The following STK4 variants were observed in gnomAD, a reference collection of about 807,000 sequenced individuals.
The protein encoded by STK4 is serine/threonine-protein kinase 4.
A neutral mutation model predicts 64.9 loss-of-function variants in STK4; 30 were observed. The ratio of observed to expected loss-of-function variants is 0.46; its 90% CI spans 0.35 to 0.63. STK4 has a LOEUF of 0.63. Among genes scored for constraint, STK4 ranks in the 20% least tolerant of loss-of-function variants. The pLI is 0.01. For synonymous variants in STK4, 177 were observed against 199.0 expected (o/e 0.89, Z 0.93); for missense variants, 466 against 598.5 (o/e 0.78, Z 2.31).
chr20:45,037,675 A>G (rs1262239392), intron 10 of STK4, among the ~76,000 whole-genome samples: 1 of 152,156 alleles, frequency 6.6e-6, no homozygotes, highest in African/African-American at 2.4e-5. Flanking sequence ...ATAACAACCT[A>G]TGATTCCATG....
At chr20:45,056,475 A>AT (rs1978491384) in intron 10 of STK4, among the ~76,000 whole-genome samples, 2 of 152,196 alleles carry the variant, frequency 1.3e-5, no homozygotes, top group South Asian at 4.1e-4. Context: ...TATTACCAGA[A>AT]TTTATCTGTT....
At chr20:45,047,734 T>G (rs982721087) in intron 10 of STK4, among the ~76,000 whole-genome samples, 1 of 152,236 alleles carries the variant, frequency 6.6e-6, no homozygotes, top group Non-Finnish European at 1.5e-5. Flanking sequence ...GCATAAAGCA[T>G]TTAGCAAAGT....
rs1442887627 is a variant in STK4 at position 45,076,958 on chromosome 20, T to A, written c.*1782T>A. ...CGGAAAACAGAGGACAATTTGAGGA[T>A]CTTGCTGGAATAATAAATGACAGCT... is the stretch of plus-strand genomic sequence containing the variant. On this transcript the variant is annotated 3_prime_UTR_variant, in exon 11 of 11. Transcript: ENST00000372806. This position sits in a 1 kb window ranked among gnomAD's most constrained non-coding sequence, Gnocchi z 4.0. 2 of 152,222 alleles carry A rather than the reference T, an allele frequency of 1.3e-5. No homozygotes were observed. Among genetic ancestry groups the A allele is most frequent in the Non-Finnish European group, 2.9e-5 (2 of 68,046 alleles). The allele number at this position is 152,222 out of a possible 1,614,324, so 9.4% of individuals were successfully genotyped here.
rs1167820859 is a variant in STK4 at position 45,042,583 on chromosome 20, C to A, written c.1305+17453C>A. 5.9e-5 allele frequency among the ~76,000 whole-genome samples: 9 copies of A among 152,170 alleles called. No individual in the cohort carries two copies. In the East Asian group the frequency reaches 1.7e-3, roughly 29 times the overall value. On this transcript the variant is annotated intron_variant, in intron 10 of 10. Coordinates refer to ENST00000372806, the MANE Select transcript of STK4 (RefSeq NM_006282.5). ...AAGTGAAATACAACGCAATTAGCAT[C>A]TTTTGTCTTTGATAACACACCTACT...
chr20:45,024,913 A>G lies in STK4; in HGVS notation c.1148-60A>G, dbSNP rs2068316268. 3 of 1,444,094 alleles carry G rather than the reference A, an allele frequency of 2.1e-6. No homozygotes were observed. In the South Asian group the frequency reaches 4.6e-5, roughly 22 times the overall value. 89.5% of individuals were successfully genotyped at this position (1,444,094 alleles called of 1,614,324 possible). Reference sequence around the variant, plus strand: ...AGCCCATCTGGAGATATGTCTATTTATTAAACTTACCTAAAATTTAGAATG... The same window carrying G: ...AGCCCATCTGGAGATATGTCTATTTGTTAAACTTACCTAAAATTTAGAATG... On this transcript the variant is annotated intron_variant, in intron 9 of 10. Transcript: ENST00000372806.
chr20:44,990,752 G>C (rs1285225170), intron 5 of STK4, among the ~76,000 whole-genome samples: 2 of 152,086 alleles, frequency 1.3e-5, no homozygotes, highest in Non-Finnish European at 2.9e-5. Flanking sequence ...TGCCAGGGTG[G>C]GGCGAGGGAA....
rs957999600 is a variant in STK4, at chr20:45,052,868, C to T, written c.1306-22150C>T. 2.4e-4 allele frequency among the ~76,000 whole-genome samples: 36 copies of T among 152,218 alleles called. 1 individual carries two copies. The highest frequency in any genetic ancestry group is 8.7e-4 in the African/African-American group (36 of 41,460). The stretch of plus-strand genomic sequence containing the variant: ...GCAGTGCCATGTGAATGCCCAGTAG[C>T]TAGCCAAGGTCAACAGCACTGCCTG... On this transcript the variant is annotated intron_variant, in intron 10 of 10. Coordinates refer to ENST00000372806, the MANE Select transcript of STK4 (RefSeq NM_006282.5).
intron 3 of STK4, among the ~76,000 whole-genome samples, chr20:44,980,842 G>A (rs2067425067): frequency 1.3e-5 from 2 of 151,946 alleles, no homozygotes; most frequent in South Asian, 4.1e-4. Flanking sequence ...TAATTTTTTT[G>A]TATTTTTAGT....
At chr20:44,975,507 G>A (rs2067324566) in intron 2 of STK4, 1 of 374,212 alleles carries the variant, frequency 2.7e-6, no homozygotes, top group Admixed American at 6.4e-5. Context: ...TAAATATAAG[G>A]ATATATAGAC....
At chr20:45,040,947 C>T (rs1419746296) in intron 10 of STK4, among the ~76,000 whole-genome samples, 2 of 152,198 alleles carry the variant, frequency 1.3e-5, no homozygotes, top group African/African-American at 4.8e-5. Context: ...ATGTCAGCCT[C>T]GGAATAATAA....
chr20:45,010,497 C>T lies in STK4; in HGVS notation c.1147+9144C>T, dbSNP rs1031324987. Among the ~76,000 whole-genome samples, 10 of 152,164 alleles carry T rather than the reference C, an allele frequency of 6.6e-5. 1 individual carries two copies. Among genetic ancestry groups the T allele is most frequent in the African/African-American group, 2.4e-4 (10 of 41,432 alleles). ...TGTGATTTATCCTTTAAGCATTTCACATATTTTGATCATTACAACCATGCT... is the reference window on the plus strand; with the variant it reads ...TGTGATTTATCCTTTAAGCATTTCATATATTTTGATCATTACAACCATGCT... On this transcript the variant is annotated intron_variant, in intron 9 of 10. Transcript: ENST00000372806.
In STK4 at chr20:44,998,915, A is replaced by G. The variant is rs553979216; in HGVS notation, c.832-1477A>G. On this transcript the variant is annotated intron_variant, in intron 7 of 10. Transcript: ENST00000372806. ...GTGAATCCCCATCTCTACTAAAACA[A>G]TACAAAAATGAGCTGGGCGTGGTGG... 1.1e-4 allele frequency among the ~76,000 whole-genome samples: 17 copies of G among 152,222 alleles called. No homozygotes were observed. In the South Asian group the frequency reaches 3.3e-3, roughly 30 times the overall value.
chr20:45,058,868 G>T lies in STK4; in HGVS notation c.1306-16150G>T, dbSNP rs144664474. On this transcript the variant is annotated intron_variant, in intron 10 of 10. Coordinates refer to ENST00000372806, the MANE Select transcript of STK4 (RefSeq NM_006282.5). The stretch of plus-strand genomic sequence containing the variant: ...AGTGCTTTCAAACATCAAGAGCCTC[G>T]CATTCTTGTACTCTACCTTCTGTAG... 1.1e-3 allele frequency among the ~76,000 whole-genome samples: 163 copies of T among 152,270 alleles called. 3 individuals are homozygous for T. In the South Asian group the frequency reaches 0.011, roughly 10 times the overall value.
chr20:44,984,437 C>T (rs1024451965), intron 4 of STK4, among the ~76,000 whole-genome samples: 6 of 152,032 alleles, frequency 3.9e-5, no homozygotes, highest in South Asian at 2.1e-4. Context: ...TTCCTGACCT[C>T]GCAATCTGCC....
At position 44,998,276 on chromosome 20, in the gene STK4, A is replaced by G. The variant is rs140581515; in HGVS notation, c.831+970A>G. Among the ~76,000 whole-genome samples the G allele has an allele frequency of 3.8e-3, 573 of 152,228 alleles. 4 individuals carry two copies. The highest frequency in any genetic ancestry group is 0.013 in the African/African-American group (554 of 41,520). On this transcript the variant is annotated intron_variant, in intron 7 of 10. Transcript: ENST00000372806. Reference sequence around the variant, plus strand: ...GCCCAGGTTTGAATCCTGGCTCCCAATTTACTAGCTTTGTGATCTTGGGCA... The same window carrying G: ...GCCCAGGTTTGAATCCTGGCTCCCAGTTTACTAGCTTTGTGATCTTGGGCA...
chr20:45,015,998 G>T (rs2068134979), intron 9 of STK4, among the ~76,000 whole-genome samples: 1 of 151,802 alleles, frequency 6.6e-6, no homozygotes, highest in Non-Finnish European at 1.5e-5. Context: ...TTTAGTTTTT[G>T]CTCTTGGTAT....
intron 10 of STK4, among the ~76,000 whole-genome samples, chr20:45,046,350 G>A (rs970715141): frequency 1.3e-5 from 2 of 151,432 alleles, no homozygotes; most frequent in Admixed American, 6.6e-5. Context: ...CAGAAGGATC[G>A]TTTGAGCCCA....
intron 10 of STK4, among the ~76,000 whole-genome samples, chr20:45,057,887 A>G (rs1430602032): frequency 6.6e-6 from 1 of 152,218 alleles, no homozygotes; most frequent in Non-Finnish European, 1.5e-5. Context: ...ATTTGATTAT[A>G]CCAATTAAAC....
chr20:45,002,325 A>G (rs1161191383), intron 9 of STK4, among the ~76,000 whole-genome samples: 1 of 152,222 alleles, frequency 6.6e-6, no homozygotes, highest in African/African-American at 2.4e-5. Context: ...TGTGATTTTC[A>G]TAATTCAAAT....
Sources: gnomAD v4.1 joint callset for allele counts (sites outside exome capture counted in the v4.1 genomes callset) on GRCh38, gnomAD v4.1.1 for gene constraint, Gnocchi (gnomAD v3.1) non-coding constraint, MANE v1.5 for transcripts, NCBI Gene and HGNC (gene_info 2026-07-23, HGNC 2026-07-21) for gene names.